Variants in TMLHE observed in about 807,000 individuals in gnomAD.
The protein encoded by TMLHE is trimethyllysine dioxygenase, mitochondrial.
TMLHE carries 18 observed loss-of-function variants against 25.7 expected under a neutral mutation model. The ratio of observed to expected loss-of-function variants is 0.70; its 90% CI spans 0.48 to 1.04. TMLHE has a LOEUF of 1.04. Among genes scored for constraint, TMLHE ranks in the 50% least tolerant of loss-of-function variants. TMLHE has a pLI of 0.00. For missense variants in TMLHE, 236 were observed against 259.0 expected, an observed-to-expected ratio of 0.91 and a Z score of 0.61; for synonymous variants, 105 against 97.0, an observed-to-expected ratio of 1.08 and a Z score of -0.49.
At chrX:155,540,379 A>C (rs1195374714) in intron 2 of TMLHE, among the ~76,000 whole-genome samples, 4 of 110,945 alleles carry the variant, frequency 3.6e-5, no homozygotes, top group Non-Finnish European at 7.6e-5. Context: ...GAAAGGAGTG[A>C]AATAATATAT....
Position 155,550,619 on chromosome X carries a change from C to A in TMLHE, c.-1-5342G>T, listed in dbSNP as rs187110356. On this transcript the variant is annotated intron_variant, in intron 1 of 7. Transcript: ENST00000334398. Reference sequence around the variant, plus strand: ...GAAGCAACACATTCACATCTCATAGCTGATTTACATGTTTCCTTTTGCTAG... The same window carrying A: ...GAAGCAACACATTCACATCTCATAGATGATTTACATGTTTCCTTTTGCTAG... Among the ~76,000 whole-genome samples the A allele has an allele frequency of 2.7e-5, 3 of 110,885 alleles. 1 individual carries two copies. The highest frequency in any genetic ancestry group is 1.0e-4 in the African/African-American group (3 of 30,132).
At chrX:155,583,456 TCCCTCCCA>T (rs1244953596) in intron 1 of TMLHE, among the ~76,000 whole-genome samples, 1 of 106,677 alleles carries the variant, frequency 9.4e-6, no homozygotes, top group African/African-American at 3.4e-5. Flanking sequence ...TCCCACCAGG[TCCCTCCCA>T]CCCTCCCACA....
chrX:155,584,475 C>A (rs5983738), intron 1 of TMLHE, among the ~76,000 whole-genome samples: 150 of 111,006 alleles, frequency 1.4e-3, no homozygotes, highest in African/African-American at 4.8e-3. Context: ...ATTCCCAAGT[C>A]TAGCAAGAGA....
chrX:155,581,256 A>G (rs781972560), intron 1 of TMLHE, among the ~76,000 whole-genome samples: 5 of 111,523 alleles, frequency 4.5e-5, no homozygotes, highest in Non-Finnish European at 9.4e-5. Context: ...CCCTTTGAAA[A>G]CTGGCACAAG....
intron 1 of TMLHE, among the ~76,000 whole-genome samples, chrX:155,579,876 G>C (rs2067614420): frequency 9.1e-6 from 1 of 110,213 alleles, no homozygotes; most frequent in Admixed American, 9.7e-5. Flanking sequence ...TACAAATACT[G>C]GCAGAAAACC....
chrX:155,609,305 C>T (rs1416612112), intron 1 of TMLHE, among the ~76,000 whole-genome samples: 1 of 111,620 alleles, frequency 9.0e-6, no homozygotes, highest in Non-Finnish European at 1.9e-5. Context: ...CCAAACACCA[C>T]ATGTTCTCAT....
intron 2 of TMLHE, among the ~76,000 whole-genome samples, chrX:155,527,957 A>T (rs1400680150): frequency 8.9e-6 from 1 of 112,075 alleles, no homozygotes; most frequent in Non-Finnish European, 1.9e-5. Flanking sequence ...ATCATTAAAG[A>T]TAAAAACCCA....
intron 1 of TMLHE, among the ~76,000 whole-genome samples, chrX:155,547,221 T>C (rs1277324110): frequency 2.2e-5 from 2 of 92,932 alleles, no homozygotes; most frequent in Non-Finnish European, 4.5e-5. Context: ...CTCGGCTCAC[T>C]GCAAGCTCCG....
intron 1 of TMLHE, among the ~76,000 whole-genome samples, chrX:155,567,239 G>T (rs2067514127): frequency 1.6e-5 from 1 of 62,885 alleles, no homozygotes; most frequent in Non-Finnish European, 4.5e-5. Context: ...TTACTACAAA[G>T]AAAGAAACAG....
At chrX:155,504,908 G>C (rs1211018842) in intron 6 of TMLHE, among the ~76,000 whole-genome samples, 1 of 111,164 alleles carries the variant, frequency 9.0e-6, no homozygotes, top group Non-Finnish European at 1.9e-5. Context: ...AGTACTTCCT[G>C]TAGTGATAGT....
chrX:155,511,898 AT>A (rs1425358987), intron 4 of TMLHE, 106 bp from the exon 5 acceptor site: 23 of 877,889 alleles, frequency 2.6e-5, no homozygotes, highest in Non-Finnish European at 3.0e-5. Context: ...ATAACAGTAG[AT>A]TTTTTTGGTT....
intron 1 of TMLHE, among the ~76,000 whole-genome samples, chrX:155,563,628 C>G: frequency 1.6e-5 from 1 of 61,638 alleles, no homozygotes; most frequent in Non-Finnish European, 4.5e-5. Context: ...TTTGAGATGT[C>G]TATTAGATTT....
chrX:155,547,939 A>G (rs1483199017), intron 1 of TMLHE, among the ~76,000 whole-genome samples: 1 of 111,180 alleles, frequency 9.0e-6, no homozygotes, highest in African/African-American at 3.3e-5. Flanking sequence ...AACCATAAAG[A>G]ATGGTAGAAA....
chrX:155,511,658 G>C lies in TMLHE; in HGVS notation c.758+15C>G, dbSNP rs1201532991. On this transcript the variant is annotated intron_variant, in intron 5 of 7. Transcript: ENST00000334398. ...CATATAAAGACTTTACACTGTAAAA[G>C]TCTAATCCACCTACCCACAGGGCTC... 58 of 1,185,355 alleles carry C rather than the reference G, an allele frequency of 4.9e-5. 1 individual carries two copies. Among genetic ancestry groups the C allele is most frequent in the Non-Finnish European group, 6.4e-5 (56 of 880,265 alleles).
intron 1 of TMLHE, among the ~76,000 whole-genome samples, chrX:155,546,602 C>T (rs924397920): frequency 2.7e-5 from 3 of 111,031 alleles, no homozygotes; most frequent in Non-Finnish European, 5.7e-5. Flanking sequence ...TGGGATGAAA[C>T]CAATCACATA....
chrX:155,604,356 CCCTGTGAG>C (rs2067774691), intron 1 of TMLHE, among the ~76,000 whole-genome samples: 1 of 110,443 alleles, frequency 9.1e-6, no homozygotes, highest in South Asian at 3.9e-4. Context: ...AGTCTGTCTT[CCCTGTGAG>C]CTCCCTTCTC....
chrX:155,512,022 G>C (rs1368014321), intron 4 of TMLHE, among the ~76,000 whole-genome samples: 9 of 110,985 alleles, frequency 8.1e-5, no homozygotes, highest in African/African-American at 2.9e-4. Context: ...GTATAATATT[G>C]TATTATGAAA....
intron 2 of TMLHE, among the ~76,000 whole-genome samples, chrX:155,533,878 A>C (rs926212890): frequency 3.4e-4 from 38 of 112,251 alleles, no homozygotes; most frequent in African/African-American, 1.2e-3. Flanking sequence ...GAGAAGAGAT[A>C]AATGAATTGA....
intron 3 of TMLHE, among the ~76,000 whole-genome samples, chrX:155,522,188 T>C (rs2067192069): frequency 8.9e-6 from 1 of 112,439 alleles, no homozygotes; most frequent in African/African-American, 3.2e-5. Context: ...TGTAGAGAAA[T>C]TAGTAGTCAA....
Sources: allele counts gnomAD v4.1 joint callset (sites outside exome capture counted in the v4.1 genomes callset), GRCh38; gene constraint gnomAD v4.1.1; transcripts MANE v1.5; gene names NCBI Gene and HGNC (gene_info 2026-07-23, HGNC 2026-07-21).